SCYL2: variants seen among roughly 807,000 people sequenced by gnomAD.
SCYL2 encodes SCY1 like pseudokinase 2.
Under a neutral mutation model 100.4 loss-of-function variants are expected in SCYL2, and 36 were observed. That is an observed-to-expected ratio of 0.36 (90% confidence interval 0.27 to 0.47). SCYL2 has a LOEUF of 0.47. Ranked by LOEUF, SCYL2 falls within the 20% of genes least tolerant of loss-of-function variation. SCYL2 has a pLI of 1.00. For missense variants in SCYL2, 902 were observed against 1,083.9 expected, an observed-to-expected ratio of 0.83 and a Z score of 2.36; for synonymous variants, 330 against 359.2, an observed-to-expected ratio of 0.92 and a Z score of 0.92.
chr12:100,269,830 T>C (rs1394386007), intron 1 of SCYL2, among the ~76,000 whole-genome samples: 1 of 152,166 alleles, frequency 6.6e-6, no homozygotes, highest in Non-Finnish European at 1.5e-5. Context: ...CCTTTATAGG[T>C]TCCGATTCCA....
intron 4 of SCYL2, among the ~76,000 whole-genome samples, chr12:100,298,697 C>T (rs1258270414): frequency 6.6e-6 from 1 of 151,916 alleles, no homozygotes. Flanking sequence ...GATTCTCCTG[C>T]CTCAGCCTCC....
At chr12:100,335,516 A>C in intron 14 of SCYL2, 109 bp from the exon 15 acceptor site, 1 of 729,700 alleles carries the variant, frequency 1.4e-6, no homozygotes, top group Non-Finnish European at 2.3e-6. Flanking sequence ...CTTCTTAAAG[A>C]GTTTAATTGG....
intron 2 of SCYL2, among the ~76,000 whole-genome samples, chr12:100,290,604 A>C (rs916031970): frequency 6.6e-6 from 1 of 152,176 alleles, no homozygotes; most frequent in Non-Finnish European, 1.5e-5. Context: ...AAAATAGAAA[A>C]CTAATTGTCT....
intron 1 of SCYL2, among the ~76,000 whole-genome samples, chr12:100,270,223 G>A (rs1173982428): frequency 7.9e-5 from 12 of 152,070 alleles, no homozygotes; most frequent in African/African-American, 2.9e-4. Context: ...CCTGACCCTC[G>A]TGATCCACCC....
At chr12:100,293,533 T>G (rs1443622760) in intron 3 of SCYL2, among the ~76,000 whole-genome samples, 1 of 152,078 alleles carries the variant, frequency 6.6e-6, no homozygotes, top group Non-Finnish European at 1.5e-5. Context: ...TTTTTTTATT[T>G]ATTTTTTATT....
Position 100,339,958 on chromosome 12 carries a change from C to G in SCYL2, c.*786C>G, listed in dbSNP as rs1255383224. The stretch of plus-strand genomic sequence containing the variant: ...TTGTTTGGATATTTGACAAGGCACT[C>G]TGATGTGACTTCCCTGACTACTACC... On this transcript the variant is annotated 3_prime_UTR_variant, in exon 18 of 18. Coordinates refer to ENST00000360820, the MANE Select transcript of SCYL2 (RefSeq NM_017988.6). The G allele has an allele frequency of 6.6e-6, 1 of 152,574 alleles. No individual in the cohort carries two copies. The highest frequency in any genetic ancestry group is 1.5e-5 in the Non-Finnish European group (1 of 68,004). The allele number at this position is 152,574 out of a possible 1,614,324, so 9.5% of individuals were successfully genotyped here. A position where few individuals can be genotyped will look rare whatever the true frequency, so the allele number is the denominator to read the frequency against.
intron 2 of SCYL2, among the ~76,000 whole-genome samples, chr12:100,288,651 C>A (rs904473177): frequency 2.0e-5 from 3 of 151,908 alleles, no homozygotes; most frequent in Admixed American, 6.6e-5. Context: ...GCCTGGACAA[C>A]ATAGTGAGAC....
chr12:100,281,019 G>GTTTTTTTTTT (rs202048587), intron 1 of SCYL2, among the ~76,000 whole-genome samples: 3 of 50,492 alleles, frequency 5.9e-5, no homozygotes, highest in African/African-American at 2.1e-4. Context: ...TACCATCAGT[G>GTTTTTTTTTT]TTTTTTTTTT....
chr12:100,316,051 A>C (rs1282474840), intron 9 of SCYL2, among the ~76,000 whole-genome samples: 5 of 152,206 alleles, frequency 3.3e-5, no homozygotes, highest in Admixed American at 6.5e-5. Context: ...GGTTTAGGAA[A>C]ATAAATACTT....
intron 3 of SCYL2, among the ~76,000 whole-genome samples, chr12:100,294,652 G>C (rs1462423189): frequency 7.2e-6 from 1 of 137,932 alleles, no homozygotes; most frequent in Non-Finnish European, 1.6e-5. Context: ...TGGCTGGGCA[G>C]AGGCACCCCT....
chr12:100,327,196 TCA>T (rs1952141535), intron 12 of SCYL2: 1 of 408,552 alleles, frequency 2.4e-6, no homozygotes, highest in Non-Finnish European at 4.9e-6. Flanking sequence ...AAACTGAGGC[TCA>T]GAGAGGTAAA....
chr12:100,310,147 C>T (rs1045649439), intron 4 of SCYL2, among the ~76,000 whole-genome samples: 3 of 152,058 alleles, frequency 2.0e-5, no homozygotes, highest in Non-Finnish European at 2.9e-5. Context: ...TAGAGGCACG[C>T]GCCACCATGC....
intron 1 of SCYL2, among the ~76,000 whole-genome samples, chr12:100,269,631 T>G (rs531395891): frequency 7.9e-5 from 12 of 152,254 alleles, no homozygotes; most frequent in Admixed American, 4.6e-4. Context: ...TTTCCCCTTT[T>G]TGTAGATTAG....
chr12:100,312,584 T>C lies in SCYL2; in HGVS notation c.783T>C (p.Asn261=). The C allele has an allele frequency of 6.2e-7, 1 of 1,613,214 alleles. No homozygotes were observed. The change falls in exon 6 of 18, where the codon AAT becomes AAC. Residue 261 remains asparagine (N), a synonymous_variant. Coordinates refer to ENST00000360820, the MANE Select transcript of SCYL2 (RefSeq NM_017988.6). ...GAACTGTTATGTATGCTGTATTTAA[T>C]AAAGGGAAACCTATATTTGAAGTCA... The part of the protein sequence containing the change: ...SLGTVMYAVF[N]KGKPIFEVNK...
chr12:100,291,538 T>A lies in SCYL2; in HGVS notation c.213T>A (p.Ile71=). 3 of 1,578,546 alleles carry A rather than the reference T, an allele frequency of 1.9e-6. No individual in the cohort carries two copies. The highest frequency in any genetic ancestry group is 2.6e-6 in the Non-Finnish European group (3 of 1,167,760). Residue 71 remains isoleucine, a synonymous_variant, in exon 3 of 18, where the codon ATT becomes ATA. Transcript: ENST00000360820. The stretch of plus-strand genomic sequence containing the variant: ...TTTTTGTCTTTGATAAAAAACTGAT[T>A]GACAAGTATCAAAAATTTGAAAAGG... ...VAVFVFDKKL[I]DKYQKFEKDQ... is the part of the protein sequence containing the mutation.
intron 17 of SCYL2, among the ~76,000 whole-genome samples, chr12:100,338,195 A>C (rs1407243442): frequency 6.6e-6 from 1 of 152,242 alleles, no homozygotes; most frequent in Non-Finnish European, 1.5e-5. Flanking sequence ...GATGAAATTC[A>C]AACTATACAA....
intron 16 of SCYL2, among the ~76,000 whole-genome samples, chr12:100,336,229 T>G (rs1222624166): frequency 6.6e-6 from 1 of 152,124 alleles, no homozygotes; most frequent in East Asian, 1.9e-4. Context: ...GCTCCTGTGT[T>G]GATGGATTCT....
At chr12:100,326,555 C>T in intron 11 of SCYL2, 67 bp from the exon 12 acceptor site, 1 of 1,116,754 alleles carries the variant, frequency 9.0e-7, no homozygotes, top group South Asian at 1.7e-5. Context: ...ATTAAGTTTA[C>T]ACTTAAATAT....
intron 4 of SCYL2, among the ~76,000 whole-genome samples, chr12:100,307,989 C>T (rs926266060): frequency 1.3e-5 from 2 of 152,186 alleles, no homozygotes; most frequent in Non-Finnish European, 2.9e-5. Flanking sequence ...CAGGAAACAA[C>T]AGATGCTGGA....
Sources: allele counts gnomAD v4.1 joint callset (sites outside exome capture counted in the v4.1 genomes callset), GRCh38; gene constraint gnomAD v4.1.1; transcripts MANE v1.5; gene names NCBI Gene and HGNC (gene_info 2026-07-23, HGNC 2026-07-21).